KIAA1549L: variants seen among roughly 807,000 people sequenced by gnomAD.
The protein encoded by KIAA1549L is UPF0606 protein KIAA1549L.
KIAA1549L carries 88 observed loss-of-function variants against 160.7 expected under a neutral mutation model. The observed-to-expected ratio is 0.55, with a 90% CI of 0.46 to 0.65. KIAA1549L has a LOEUF of 0.65. Ranked by LOEUF, KIAA1549L falls within the 30% of genes least tolerant of loss-of-function variation. The probability of loss-of-function intolerance (pLI) is 0.00; values close to 1 mark genes in which losing one functional copy is unlikely to be tolerated. For missense variants in KIAA1549L, 2,258 were observed against 2,437.5 expected (o/e 0.93, Z 1.55); for synonymous variants, 950 against 976.7 (o/e 0.97, Z 0.51).
At chr11:33,426,493 G>A (rs1421152447) in intron 1 of KIAA1549L, among the ~76,000 whole-genome samples, 1 of 152,144 alleles carries the variant, frequency 6.6e-6, no homozygotes, top group Non-Finnish European at 1.5e-5. Flanking sequence ...GAGATCCCCA[G>A]AGGCCCTCCT....
chr11:33,430,094 C>T (rs76443209), intron 1 of KIAA1549L, among the ~76,000 whole-genome samples: 1 of 145,864 alleles, frequency 6.9e-6, no homozygotes, highest in Admixed American at 6.8e-5. Context: ...CTCCCTCTCT[C>T]CTCCCTCCCT....
At chr11:33,405,399 A>G (rs1331511572) in intron 1 of KIAA1549L, among the ~76,000 whole-genome samples, 3 of 152,198 alleles carry the variant, frequency 2.0e-5, no homozygotes, top group Non-Finnish European at 4.4e-5. Flanking sequence ...CTACAAAATT[A>G]TTAAGCAGTG....
intron 3 of KIAA1549L, among the ~76,000 whole-genome samples, chr11:33,546,124 A>T (rs994471593): frequency 2.0e-5 from 3 of 152,050 alleles, no homozygotes; most frequent in Admixed American, 1.3e-4. Context: ...TGTTTGCTAT[A>T]AAAAAAATTA....
intron 1 of KIAA1549L, among the ~76,000 whole-genome samples, chr11:33,479,004 CAGTT>C (rs1300445004): frequency 1.3e-5 from 2 of 152,178 alleles, no homozygotes. Context: ...TAAGGTTACT[CAGTT>C]AGTAAATGGT....
At chr11:33,625,314 T>G (rs9735365) in intron 16 of KIAA1549L, among the ~76,000 whole-genome samples, 3,194 of 151,630 alleles carry the variant, frequency 0.021, 104 homozygotes, top group African/African-American at 0.064. Flanking sequence ...TCTAGTTCTA[T>G]ATCCCTGAGG....
chr11:33,439,489 G>C (rs538152057), intron 1 of KIAA1549L, among the ~76,000 whole-genome samples: 2 of 151,372 alleles, frequency 1.3e-5, no homozygotes, highest in African/African-American at 4.9e-5. Flanking sequence ...TGCAAGCTCC[G>C]CCTTCCGGGT....
At chr11:33,427,690 A>G (rs1851147327) in intron 1 of KIAA1549L, among the ~76,000 whole-genome samples, 1 of 152,140 alleles carries the variant, frequency 6.6e-6, no homozygotes, top group South Asian at 2.1e-4. Context: ...ACTCAGTAGC[A>G]TTTATAATGT....
chr11:33,519,672 C>T (rs1457311201), intron 1 of KIAA1549L, among the ~76,000 whole-genome samples: 2 of 152,176 alleles, frequency 1.3e-5, no homozygotes, highest in African/African-American at 4.8e-5. Context: ...ATATAAAATT[C>T]TGACCTCAGA....
At position 33,668,160 on chromosome 11, in the gene KIAA1549L, T is replaced by G. The variant is rs1852548663; in HGVS notation, c.*6T>G. 1.9e-6 allele frequency: 3 copies of G among 1,610,620 alleles called. No individual in the cohort carries two copies. Among genetic ancestry groups the G allele is most frequent in the Non-Finnish European group, 2.5e-6 (3 of 1,178,250 alleles). The stretch of plus-strand genomic sequence containing the variant: ...TGTTTGAGTTCCAGGTCTAACGCCT[T>G]AGCCCCGTGGGACTCTGGACTTCCA... On this transcript the variant is annotated 3_prime_UTR_variant, in exon 21 of 21. Transcript: ENST00000658780.
intron 1 of KIAA1549L, among the ~76,000 whole-genome samples, chr11:33,463,145 A>G (rs1431661127): frequency 2.0e-5 from 3 of 152,166 alleles, no homozygotes; most frequent in East Asian, 3.9e-4. Context: ...TTCTTCCTTA[A>G]TGGTACTTTC....
At position 33,376,950 on chromosome 11, in the gene KIAA1549L, G is replaced by C. The variant is rs936431246; in HGVS notation, c.238+61G>C. The C allele has an allele frequency of 2.0e-5, 3 of 152,330 alleles. No individual in the cohort carries two copies. The highest frequency in any genetic ancestry group is 2.9e-5 in the Non-Finnish European group (2 of 68,142). The allele number at this position is 152,330 out of a possible 1,614,324, so 9.4% of individuals were successfully genotyped here. ...CTGGAGGAGCGGGGCGGCGGGACGGGACCCACACCTGCCCAGGTGGCGGTG... is the reference window on the plus strand; with the variant it reads ...CTGGAGGAGCGGGGCGGCGGGACGGCACCCACACCTGCCCAGGTGGCGGTG... On this transcript the variant is annotated intron_variant, in intron 1 of 20. Coordinates refer to ENST00000658780, the MANE Select transcript of KIAA1549L (RefSeq NM_012194.3). The surrounding 1 kb of genome is among the most constrained non-coding windows in gnomAD (Gnocchi z 5.8).
At chr11:33,508,673 C>T (rs1220252990) in intron 1 of KIAA1549L, among the ~76,000 whole-genome samples, 2 of 152,212 alleles carry the variant, frequency 1.3e-5, no homozygotes, top group Admixed American at 1.3e-4. Flanking sequence ...TTCCTTGAGT[C>T]ATTCATTAAT....
At chr11:33,544,658 T>A (rs1190029805) in intron 2 of KIAA1549L, 109 bp from the exon 3 acceptor site, 1 of 1,401,510 alleles carries the variant, frequency 7.1e-7, no homozygotes, top group East Asian at 2.4e-5. Flanking sequence ...AAGCCCAGAT[T>A]GCAGAGACTT....
chr11:33,429,848 C>T (rs1407570442), intron 1 of KIAA1549L, among the ~76,000 whole-genome samples: 1 of 152,120 alleles, frequency 6.6e-6, no homozygotes, highest in Non-Finnish European at 1.5e-5. Flanking sequence ...GTCATCTGGA[C>T]CCAAATCACT....
intron 12 of KIAA1549L, among the ~76,000 whole-genome samples, chr11:33,596,115 C>A (rs1193636668): frequency 6.6e-6 from 1 of 152,206 alleles, no homozygotes; most frequent in Non-Finnish European, 1.5e-5. Context: ...CTTCCCAGCT[C>A]CATGTCCTCA....
intron 1 of KIAA1549L, among the ~76,000 whole-genome samples, chr11:33,500,792 A>G (rs1852929105): frequency 1.3e-5 from 2 of 152,120 alleles, no homozygotes; most frequent in African/African-American, 2.4e-5. Context: ...CAAATGTTGT[A>G]TATGAATAAA....
intron 1 of KIAA1549L, among the ~76,000 whole-genome samples, chr11:33,487,402 CTTTTT>C (rs112165825): frequency 7.4e-4 from 63 of 85,548 alleles, no homozygotes; most frequent in African/African-American, 2.8e-3. Flanking sequence ...GTCTATTGTT[CTTTTT>C]TTTTTTTTTT....
intron 8 of KIAA1549L, among the ~76,000 whole-genome samples, chr11:33,565,161 G>C (rs1337043238): frequency 5.3e-5 from 8 of 152,156 alleles, no homozygotes; most frequent in Non-Finnish European, 1.0e-4. Flanking sequence ...CTCTGTGAGA[G>C]AGAGAGGTAC....
At position 33,645,972 on chromosome 11, in the gene KIAA1549L, G is replaced by T; in HGVS notation, c.5696G>T (p.Arg1899Met). The T allele has an allele frequency of 2.5e-6, 4 of 1,611,508 alleles. No homozygotes were observed. Among genetic ancestry groups the T allele is most frequent in the Non-Finnish European group, 3.4e-6 (4 of 1,178,844 alleles). Residue 1899 changes from arginine to methionine, a missense_variant, in exon 17 of 21, where the codon AGG becomes ATG. Around this residue, in one of 6 missense-constraint regions of KIAA1549L, gnomAD observed 1,359 missense variants for 1,546.6 expected, o/e 0.88. Coordinates refer to ENST00000658780, the MANE Select transcript of KIAA1549L (RefSeq NM_012194.3). ...TSAPGTMTRP[R>M]AGVQWVPTYR... ...GCTCCGGGGACCATGACGCGGCCCA[G>T]GGCCGGGGTGCAGTGGGTGCCGACC... is the stretch of plus-strand genomic sequence containing the variant.
Sources: gnomAD v4.1 joint callset for allele counts (sites outside exome capture counted in the v4.1 genomes callset) on GRCh38, gnomAD v4.1.1 for gene constraint, gnomAD v4.1.1 regional missense constraint, Gnocchi (gnomAD v3.1) non-coding constraint, MANE v1.5 for transcripts, NCBI Gene and HGNC (gene_info 2026-07-23, HGNC 2026-07-21) for gene names.